The following NUB1 variants were observed in gnomAD, a reference collection of about 807,000 sequenced individuals.
The protein encoded by NUB1 is negative regulator of ubiquitin like proteins 1, also known as NEDD8 ultimate buster 1.
In NUB1, 41 loss-of-function variants were observed where a neutral mutation model predicts 77.1. That is an observed-to-expected ratio of 0.53 (90% CI 0.41 to 0.69). The LOEUF is 0.69. Ranked by LOEUF, NUB1 falls within the 30% of genes least tolerant of loss-of-function variation. The pLI, the probability that NUB1 is intolerant of heterozygous loss-of-function variation, is 0.00. For missense variants in NUB1, 643 were observed against 743.8 expected, an observed-to-expected ratio of 0.86 and a Z score of 1.58; for synonymous variants, 257 against 281.0, an observed-to-expected ratio of 0.91 and a Z score of 0.85.
At chr7:151,363,735 T>G (rs1797497204) in intron 8 of NUB1, among the ~76,000 whole-genome samples, 1 of 151,086 alleles carries the variant, frequency 6.6e-6, no homozygotes, top group African/African-American at 2.5e-5. Flanking sequence ...AAATGACTTT[T>G]TAGCTAACCT....
chr7:151,342,121 T>A (rs1796240540), intron 1 of NUB1, among the ~76,000 whole-genome samples: 1 of 152,170 alleles, frequency 6.6e-6, no homozygotes, highest in South Asian at 2.1e-4. Flanking sequence ...GTGTATCGGT[T>A]TGGGGAGAGA....
intron 5 of NUB1, among the ~76,000 whole-genome samples, chr7:151,354,583 C>A (rs569473729): frequency 5.3e-5 from 8 of 151,984 alleles, no homozygotes; most frequent in Non-Finnish European, 1.0e-4. Flanking sequence ...CTAATTTATT[C>A]ATGGAGCCAG....
rs186140329 is a variant in NUB1, at chr7:151,351,186, C to T, written c.286-238C>T. ...GTTAAAGACGTCCAGCTGTGTGAGACGGCCCCTCTGAGCAGCCCTGCCTGG... is the reference window on the plus strand; with the variant it reads ...GTTAAAGACGTCCAGCTGTGTGAGATGGCCCCTCTGAGCAGCCCTGCCTGG... On this transcript the variant is annotated intron_variant, in intron 3 of 14. Coordinates refer to ENST00000568733, the MANE Select transcript of NUB1 (RefSeq NM_001243351.2). 7.3e-4 allele frequency: 351 copies of T among 484,030 alleles called. 1 individual carries two copies. The highest frequency in any genetic ancestry group is 1.1e-3 in the Non-Finnish European group (292 of 275,668). 30.0% of individuals were successfully genotyped at this position (484,030 alleles called of 1,614,324 possible).
At chr7:151,376,854 C>T in intron 14 of NUB1, 43 bp downstream of exon 14, 1 of 1,534,500 alleles carries the variant, frequency 6.5e-7, no homozygotes, top group Non-Finnish European at 8.8e-7. Context: ...AGCAAAGTGT[C>T]TTCAGAAGCC....
chr7:151,355,162 G>A (rs549893786), intron 5 of NUB1, among the ~76,000 whole-genome samples: 30 of 152,178 alleles, frequency 2.0e-4, no homozygotes, highest in East Asian at 9.6e-4. Context: ...CTCATTTTCC[G>A]TTTATATTGT....
chr7:151,341,837 C>T lies in NUB1; in HGVS notation c.-12C>T. ...ACTCTGCTGGTCGCGGCGGGAGTGG[C>T]GTGGCGCAGGTGAGGACACGGCGGC... On this transcript the variant is annotated 5_prime_UTR_variant, in exon 1 of 15. Transcript: ENST00000568733. The T allele has an allele frequency of 6.6e-7, 1 of 1,505,882 alleles. No individual in the cohort carries two copies. Among genetic ancestry groups the T allele is most frequent in the Non-Finnish European group, 8.8e-7 (1 of 1,136,400 alleles). 93.3% of individuals were successfully genotyped at this position (1,505,882 alleles called of 1,614,324 possible). A position where few individuals can be genotyped will look rare whatever the true frequency, so the allele number is the denominator to read the frequency against.
intron 9 of NUB1, among the ~76,000 whole-genome samples, chr7:151,367,342 A>ATGG (rs1168902839): frequency 6.6e-6 from 1 of 152,204 alleles, no homozygotes; most frequent in Non-Finnish European, 1.5e-5. Flanking sequence ...CCAAAGGAAC[A>ATGG]TGGTTTGCTA....
At chr7:151,372,579 T>G (rs1226493909) in intron 11 of NUB1, among the ~76,000 whole-genome samples, 1 of 152,018 alleles carries the variant, frequency 6.6e-6, no homozygotes, top group Non-Finnish European at 1.5e-5. Flanking sequence ...AAAGTGCAAA[T>G]GTGAGTGGTA....
At chr7:151,343,921 C>A (rs1026106244) in intron 1 of NUB1, among the ~76,000 whole-genome samples, 1 of 152,034 alleles carries the variant, frequency 6.6e-6, no homozygotes, top group South Asian at 2.1e-4. Context: ...GTGGCTCAGG[C>A]CTGTAATCCC....
chr7:151,365,959 T>C (rs961968033), intron 8 of NUB1, among the ~76,000 whole-genome samples: 5 of 152,138 alleles, frequency 3.3e-5, no homozygotes, highest in Admixed American at 3.3e-4. Context: ...GATTTTGTAG[T>C]TTTATACAAG....
rs773662843 is a variant in NUB1 at position 151,367,077 on chromosome 7, C to G, written c.939C>G (p.Cys313Trp). The G allele has an allele frequency of 6.2e-7, 1 of 1,613,728 alleles. No homozygotes were observed. Among genetic ancestry groups the G allele is most frequent in the Non-Finnish European group, 8.5e-7 (1 of 1,179,824 alleles). ...AEKKLNLAQK[C>W]FKNCYGENHQ... Reference sequence around the variant, plus strand: ...AAAAATTAAACTTGGCCCAGAAATGCTTTAAAAATTGTTACGGAGAAAATC... The same window carrying G: ...AAAAATTAAACTTGGCCCAGAAATGGTTTAAAAATTGTTACGGAGAAAATC... Residue 313 changes from cysteine to tryptophan, a missense_variant, in exon 9 of 15, where the codon TGC becomes TGG. By Grantham distance (215) the Cys-to-Trp change is radical. Transcript: ENST00000568733.
chr7:151,361,011 A>G (rs182203228), intron 8 of NUB1: 1 of 24,576 alleles, frequency 4.1e-5, no homozygotes, highest in Non-Finnish European at 1.7e-4. Flanking sequence ...GAACTCCTGG[A>G]CTCATGTGAT....
intron 3 of NUB1, among the ~76,000 whole-genome samples, chr7:151,349,642 G>T (rs1002833507): frequency 5.3e-5 from 8 of 152,200 alleles, no homozygotes; most frequent in Non-Finnish European, 1.0e-4. Context: ...AAGCAGGGCC[G>T]AGGAGATCTG....
intron 12 of NUB1, chr7:151,374,625 GTATC>G (rs1167981759): frequency 3.6e-6 from 1 of 274,268 alleles, no homozygotes; most frequent in Non-Finnish European, 7.1e-6. Flanking sequence ...TTAAATGTAA[GTATC>G]TAGTTTTATT....
rs939681810 is a variant in NUB1 at position 151,360,042 on chromosome 7, AT to A, written c.694-91del. The A allele has an allele frequency of 7.8e-4, 459 of 585,752 alleles. 2 individuals are homozygous for A. The highest frequency in any genetic ancestry group is 1.2e-3 in the Middle Eastern group (3 of 2,498). 36.3% of individuals were successfully genotyped at this position (585,752 alleles called of 1,614,324 possible). A position where few individuals can be genotyped will look rare whatever the true frequency, so the allele number is the denominator to read the frequency against. Reference sequence around the variant, plus strand: ...TAGATTGAGTTATGATCTTGTTTTCATTTTTTTTACTTTGTTTTTTAAAAAG... The same window carrying A: ...TAGATTGAGTTATGATCTTGTTTTCATTTTTTTACTTTGTTTTTTAAAAAG... On this transcript the variant is annotated intron_variant, in intron 7 of 14. Coordinates refer to ENST00000568733, the MANE Select transcript of NUB1 (RefSeq NM_001243351.2).
intron 5 of NUB1, among the ~76,000 whole-genome samples, chr7:151,353,643 C>T (rs1796927016): frequency 6.6e-6 from 1 of 152,156 alleles, no homozygotes; most frequent in Non-Finnish European, 1.5e-5. Context: ...CGGAGTGATA[C>T]ACAATTCTGT....
chr7:151,346,302 G>C (rs1261583859), intron 2 of NUB1, among the ~76,000 whole-genome samples: 1 of 152,170 alleles, frequency 6.6e-6, no homozygotes, highest in African/African-American at 2.4e-5. Flanking sequence ...ACAGTCTCTT[G>C]GTTTAGAAAC....
chr7:151,345,499 G>C, intron 2 of NUB1, 33 bp downstream of exon 2: 2 of 1,093,574 alleles, frequency 1.8e-6, no homozygotes, highest in Non-Finnish European at 2.7e-6. Flanking sequence ...ATAATTAGCA[G>C]CATTATAAAT....
rs759055331 is a variant in NUB1 at position 151,367,096 on chromosome 7, G to A, written c.958G>A (p.Glu320Lys). The A allele has an allele frequency of 6.2e-7, 1 of 1,613,656 alleles. No individual in the cohort carries two copies. Among genetic ancestry groups the A allele is most frequent in the Non-Finnish European group, 8.5e-7 (1 of 1,179,760 alleles). Residue 320 changes from glutamate to lysine, a missense_variant, in exon 9 of 15, where the codon GAA (glutamate) becomes AAA (lysine). Physicochemically the swap from Glu to Lys is moderately conservative, Grantham distance 56. Transcript: ENST00000568733. The stretch of plus-strand genomic sequence containing the variant: ...GAAATGCTTTAAAAATTGTTACGGA[G>A]AAAATCATCAGAGACTGGTCCACAT... ...AQKCFKNCYG[E>K]NHQRLVHIKG...
Sources: allele counts gnomAD v4.1 joint callset (sites outside exome capture counted in the v4.1 genomes callset), GRCh38; gene constraint gnomAD v4.1.1; transcripts MANE v1.5; gene names NCBI Gene and HGNC (gene_info 2026-07-23, HGNC 2026-07-21).